The following AUTS2 variants were observed in gnomAD, a reference collection of about 807,000 sequenced individuals.
AUTS2 encodes the protein autism susceptibility gene 2 protein.
In AUTS2, 17 loss-of-function variants were observed where a neutral mutation model predicts 112.4. The observed-to-expected ratio is 0.15, with a 90% CI of 0.10 to 0.23. The LOEUF (loss-of-function observed/expected upper bound fraction) is 0.23. Among genes scored for constraint, AUTS2 ranks in the 10% least tolerant of loss-of-function variants. AUTS2 has a pLI of 1.00. For missense variants in AUTS2, 1,510 were observed against 1,701.6 expected (o/e 0.89, Z 1.98); for synonymous variants, 751 against 702.7 (o/e 1.07, Z -1.09).
At chr7:69,647,752 C>T (rs548581912) in intron 1 of AUTS2, among the ~76,000 whole-genome samples, 2 of 152,292 alleles carry the variant, frequency 1.3e-5, no homozygotes, top group East Asian at 3.9e-4. Context: ...CAGAAATAGT[C>T]TCATAGTTTT....
intron 4 of AUTS2, among the ~76,000 whole-genome samples, chr7:70,382,995 ATATAT>A (rs1793439532): frequency 6.6e-6 from 1 of 152,200 alleles, no homozygotes; most frequent in South Asian, 2.1e-4. Context: ...TATGAAGTCT[ATATAT>A]TTTTCCAGAA....
chr7:70,412,460 A>G (rs1794819286), intron 4 of AUTS2, among the ~76,000 whole-genome samples: 1 of 152,166 alleles, frequency 6.6e-6, no homozygotes, highest in South Asian at 2.1e-4. Flanking sequence ...AAGGAATCTA[A>G]GATGATTTAT....
chr7:69,859,202 G>A (rs146106643), intron 1 of AUTS2, among the ~76,000 whole-genome samples: 115 of 152,270 alleles, frequency 7.6e-4, no homozygotes, highest in Middle Eastern at 6.8e-3. Flanking sequence ...ACTCCAGTGG[G>A]ATATCTCTTT....
At chr7:70,030,833 G>T (rs552042327) in intron 2 of AUTS2, among the ~76,000 whole-genome samples, 2 of 152,100 alleles carry the variant, frequency 1.3e-5, no homozygotes, top group African/African-American at 2.4e-5. Flanking sequence ...TCCCTCAGGG[G>T]TCTTGAACTG....
intron 5 of AUTS2, among the ~76,000 whole-genome samples, chr7:70,506,820 G>A (rs544944334): frequency 3.3e-5 from 5 of 152,226 alleles, no homozygotes; most frequent in Admixed American, 1.3e-4. Flanking sequence ...TCTATATGGG[G>A]GAAATTAATG....
At chr7:69,776,243 A>T (rs149790471) in intron 1 of AUTS2, among the ~76,000 whole-genome samples, 1 of 152,274 alleles carries the variant, frequency 6.6e-6, no homozygotes, top group African/African-American at 2.4e-5. Flanking sequence ...TAATACTTGA[A>T]CAATTTGCAC....
intron 5 of AUTS2, among the ~76,000 whole-genome samples, chr7:70,605,078 T>C (rs1803660857): frequency 6.6e-6 from 1 of 152,208 alleles, no homozygotes; most frequent in Admixed American, 6.5e-5. Flanking sequence ...GGTCATGATA[T>C]CTTTTAAGGG....
At chr7:70,033,477 C>G (rs1481535869) in intron 2 of AUTS2, among the ~76,000 whole-genome samples, 1 of 152,042 alleles carries the variant, frequency 6.6e-6, no homozygotes, top group Non-Finnish European at 1.5e-5. Context: ...CTGTGTGGCT[C>G]TAGGGTGGCA....
At chr7:69,757,989 C>G (rs1215052329) in intron 1 of AUTS2, among the ~76,000 whole-genome samples, 1 of 152,230 alleles carries the variant, frequency 6.6e-6, no homozygotes, top group Non-Finnish European at 1.5e-5. Context: ...TGAAGATACA[C>G]TTAACTAGGT....
Position 70,790,972 on chromosome 7 carries a change from G to T in AUTS2, c.3756G>T (p.Thr1252=). The part of the protein sequence containing the change: ...AEIRERPPSH[T]LKDIEAR ...TAAGGGAGAGGCCCCCTTCCCACAC[G>T]CTGAAGGATATCGAGGCCCGATAAG... The change falls in exon 19 of 19, where the codon ACG becomes ACT. Residue 1252 remains threonine, a synonymous_variant. Transcript: ENST00000342771. This position sits in a 1 kb window ranked among gnomAD's most constrained non-coding sequence, Gnocchi z 7.6. 1 of 1,504,140 alleles carries T rather than the reference G, an allele frequency of 6.6e-7. No individual in the cohort carries two copies. The allele number at this position is 1,504,140 out of a possible 1,614,324, so 93.2% of individuals were successfully genotyped here.
chr7:69,652,107 A>G (rs1795318569), intron 1 of AUTS2, among the ~76,000 whole-genome samples: 1 of 152,136 alleles, frequency 6.6e-6, no homozygotes, highest in African/African-American at 2.4e-5. Flanking sequence ...GCGTCCTTAA[A>G]TCCTATTAGG....
At chr7:70,211,921 G>A (rs1211085462) in intron 4 of AUTS2, among the ~76,000 whole-genome samples, 1 of 152,126 alleles carries the variant, frequency 6.6e-6, no homozygotes, top group Non-Finnish European at 1.5e-5. Flanking sequence ...GGGAGGCGGA[G>A]CTTGCAGCGA....
At chr7:69,765,596 C>T (rs996247131) in intron 1 of AUTS2, among the ~76,000 whole-genome samples, 2 of 152,076 alleles carry the variant, frequency 1.3e-5, no homozygotes, top group Non-Finnish European at 2.9e-5. Flanking sequence ...GGATCACAGG[C>T]GTGAGCCACT....
chr7:70,692,436 C>T (rs1808802079), intron 5 of AUTS2, among the ~76,000 whole-genome samples: 1 of 152,194 alleles, frequency 6.6e-6, no homozygotes. Flanking sequence ...TCATGTCCAC[C>T]TTTGAGCTAT....
At chr7:70,773,710 G>C (rs554492340) in intron 11 of AUTS2, among the ~76,000 whole-genome samples, 5 of 152,316 alleles carry the variant, frequency 3.3e-5, no homozygotes, top group Non-Finnish European at 7.3e-5. Flanking sequence ...CCCTGCCATG[G>C]GTTCATTCAG....
At chr7:69,926,903 A>C (rs1192801285) in intron 2 of AUTS2, among the ~76,000 whole-genome samples, 1 of 146,760 alleles carries the variant, frequency 6.8e-6, no homozygotes, top group African/African-American at 2.5e-5. Context: ...GATATATAGC[A>C]TATATAATAT....
chr7:70,157,017 C>T (rs1259381896), intron 4 of AUTS2, among the ~76,000 whole-genome samples: 1 of 147,324 alleles, frequency 6.8e-6, no homozygotes, highest in African/African-American at 2.5e-5. Context: ...GCAGAGGTTG[C>T]AGTGAGCCAA....
intron 1 of AUTS2, among the ~76,000 whole-genome samples, chr7:69,824,408 C>CAA (rs142164177): frequency 7.6e-6 from 1 of 131,730 alleles, no homozygotes; most frequent in African/African-American, 2.8e-5. Context: ...GATTCTGTCT[C>CAA]AAAAAAAAAA....
intron 1 of AUTS2, among the ~76,000 whole-genome samples, chr7:69,669,180 C>T (rs946899616): frequency 6.6e-6 from 1 of 152,062 alleles, no homozygotes; most frequent in Non-Finnish European, 1.5e-5. Flanking sequence ...ACCTAAATAG[C>T]ACAAAGTAGA....
Sources: gnomAD v4.1 joint callset for allele counts (sites outside exome capture counted in the v4.1 genomes callset) on GRCh38, gnomAD v4.1.1 for gene constraint, Gnocchi (gnomAD v3.1) non-coding constraint, MANE v1.5 for transcripts, NCBI Gene and HGNC (gene_info 2026-07-23, HGNC 2026-07-21) for gene names.